LRBA: variants seen among roughly 807,000 people sequenced by gnomAD.
The protein encoded by LRBA is lipopolysaccharide-responsive and beige-like anchor protein.
Under a neutral mutation model 330.0 loss-of-function variants are expected in LRBA, and 176 were observed. That is an observed-to-expected ratio of 0.53 (90% CI 0.47 to 0.60). The LOEUF (loss-of-function observed/expected upper bound fraction) is 0.60, where lower values mean the gene tolerates loss of function less well. Ranked by LOEUF, LRBA falls within the 20% of genes least tolerant of loss-of-function variation. The pLI, the probability that LRBA is intolerant of heterozygous loss-of-function variation, is 0.00. For synonymous variants in LRBA, 1,230 were observed against 1,193.0 expected, an observed-to-expected ratio of 1.03 and a Z score of -0.64; for missense variants, 3,259 against 3,444.8, an observed-to-expected ratio of 0.95 and a Z score of 1.35.
chr4:150,419,342 G>C (rs955879685), intron 46 of LRBA, among the ~76,000 whole-genome samples: 20 of 152,074 alleles, frequency 1.3e-4, no homozygotes, highest in Non-Finnish European at 2.4e-4. Context: ...GCCTTCGAAA[G>C]ACCATATGTA....
At chr4:150,670,629 G>A (rs1319947918) in intron 37 of LRBA, among the ~76,000 whole-genome samples, 1 of 152,206 alleles carries the variant, frequency 6.6e-6, no homozygotes, top group Non-Finnish European at 1.5e-5. Flanking sequence ...CTGCTTCTAT[G>A]TCTTCTCAGG....
chr4:150,406,141 ATAG>A (rs1425053150), intron 47 of LRBA, among the ~76,000 whole-genome samples: 1 of 152,160 alleles, frequency 6.6e-6, no homozygotes, highest in Non-Finnish European at 1.5e-5. Flanking sequence ...TTTAATGAAA[ATAG>A]TAGACCAGAA....
chr4:150,566,700 A>C (rs1057426882), intron 40 of LRBA, among the ~76,000 whole-genome samples: 3 of 152,120 alleles, frequency 2.0e-5, no homozygotes, highest in African/African-American at 4.8e-5. Context: ...GCTAAATATT[A>C]ATTGACCTTT....
intron 43 of LRBA, among the ~76,000 whole-genome samples, chr4:150,470,158 G>A (rs539153817): frequency 1.3e-5 from 2 of 152,168 alleles, no homozygotes; most frequent in Non-Finnish European, 2.9e-5. Context: ...ACTCCAGCCT[G>A]GGGAAGAGGA....
chr4:150,646,270 T>A (rs1421155856), intron 37 of LRBA, among the ~76,000 whole-genome samples: 1 of 151,956 alleles, frequency 6.6e-6, no homozygotes, highest in African/African-American at 2.4e-5. Flanking sequence ...GGTTTTAGCA[T>A]GAGCAACGAG....
At chr4:150,446,876 C>A (rs886181653) in intron 44 of LRBA, among the ~76,000 whole-genome samples, 1 of 152,102 alleles carries the variant, frequency 6.6e-6, no homozygotes, top group African/African-American at 2.4e-5. Flanking sequence ...TTACATTTTA[C>A]CCTTTTTAAA....
chr4:150,441,877 G>A (rs1401048539), intron 44 of LRBA, among the ~76,000 whole-genome samples: 1 of 152,006 alleles, frequency 6.6e-6, no homozygotes, highest in African/African-American at 2.4e-5. Flanking sequence ...TTACTTAACA[G>A]GTTGATTTAA....
chr4:150,989,961 T>C (rs1579421851), intron 2 of LRBA, among the ~76,000 whole-genome samples: 1 of 151,960 alleles, frequency 6.6e-6, no homozygotes, highest in East Asian at 1.9e-4. Flanking sequence ...CCCATCTCTA[T>C]GAAAAAAAAT....
intron 2 of LRBA, among the ~76,000 whole-genome samples, chr4:150,966,156 T>C (rs936094547): frequency 6.6e-6 from 1 of 152,148 alleles, no homozygotes; most frequent in Non-Finnish European, 1.5e-5. Flanking sequence ...GAAAGGGAAG[T>C]ACATATTGGA....
chr4:150,544,600 C>A (rs1018174863), intron 40 of LRBA, among the ~76,000 whole-genome samples: 2 of 152,236 alleles, frequency 1.3e-5, no homozygotes, highest in East Asian at 3.9e-4. Context: ...TCCACACTTC[C>A]TTGCCACAGC....
intron 49 of LRBA, among the ~76,000 whole-genome samples, chr4:150,324,044 T>C (rs1732909987): frequency 6.6e-6 from 1 of 151,762 alleles, no homozygotes; most frequent in South Asian, 2.1e-4. Context: ...TGAAGAGGAG[T>C]TCAGGTATTC....
chr4:150,700,927 C>T (rs2126995067), intron 36 of LRBA, among the ~76,000 whole-genome samples: 1 of 151,886 alleles, frequency 6.6e-6, no homozygotes. Context: ...CCCTGGCTAA[C>T]TTTTTTATTT....
chr4:150,852,988 A>T, intron 22 of LRBA, 45 bp from the exon 23 acceptor site: 1 of 1,114,526 alleles, frequency 9.0e-7, no homozygotes, highest in Non-Finnish European at 1.3e-6. Flanking sequence ...ATGAGAAATG[A>T]AGACAGAATA....
At chr4:150,616,292 A>C (rs1411192952) in intron 37 of LRBA, among the ~76,000 whole-genome samples, 2 of 152,208 alleles carry the variant, frequency 1.3e-5, no homozygotes, top group Non-Finnish European at 2.9e-5. Flanking sequence ...GGAAAAGTAA[A>C]AGTACAAAGA....
chr4:150,869,777 G>A (rs74570612), intron 20 of LRBA, among the ~76,000 whole-genome samples: 3,951 of 151,934 alleles, frequency 0.026, 89 homozygotes, highest in Non-Finnish European at 0.04. Flanking sequence ...ACTTAGACCA[G>A]GTGCAGTAGG....
rs566252571 is a variant in LRBA, at chr4:150,858,968, A to T, written c.2767-6025T>A. On this transcript the variant is annotated intron_variant, in intron 22 of 56. Coordinates refer to ENST00000651943, the MANE Select transcript of LRBA (RefSeq NM_001364905.1). Reference sequence around the variant, plus strand: ...TAATAAACCAATTAGAGAATTCTTTAAAAAAAAATCTTATTTCCACATGCT... The same window carrying T: ...TAATAAACCAATTAGAGAATTCTTTTAAAAAAAATCTTATTTCCACATGCT... Among the ~76,000 whole-genome samples the T allele has an allele frequency of 4.5e-3, 674 of 149,494 alleles. 2 individuals carry two copies. Among genetic ancestry groups the T allele is most frequent in the Non-Finnish European group, 7.3e-3 (487 of 66,490 alleles).
At chr4:150,491,712 C>T (rs1758972443) in intron 40 of LRBA, among the ~76,000 whole-genome samples, 1 of 152,082 alleles carries the variant, frequency 6.6e-6, no homozygotes, top group South Asian at 2.1e-4. Flanking sequence ...AGGTGACAGA[C>T]AGAGTTGCTT....
intron 55 of LRBA, among the ~76,000 whole-genome samples, chr4:150,279,597 C>G (rs1747246072): frequency 6.6e-6 from 1 of 152,216 alleles, no homozygotes; most frequent in Non-Finnish European, 1.5e-5. Flanking sequence ...CAAAGACTTT[C>G]TTAGCCATTT....
chr4:150,623,646 A>G (rs1350572022), intron 37 of LRBA, among the ~76,000 whole-genome samples: 3 of 152,122 alleles, frequency 2.0e-5, no homozygotes, highest in Non-Finnish European at 4.4e-5. Flanking sequence ...CTGGGTAGGG[A>G]TAAGTACTAA....
Sources: allele counts gnomAD v4.1 joint callset (sites outside exome capture counted in the v4.1 genomes callset), GRCh38; gene constraint gnomAD v4.1.1; transcripts MANE v1.5; gene names NCBI Gene and HGNC (gene_info 2026-07-23, HGNC 2026-07-21).